Variants in COMMD1 observed in about 807,000 individuals in gnomAD.
The protein encoded by COMMD1 is COMM domain-containing protein 1.
In COMMD1, 10 loss-of-function variants were observed where a neutral mutation model predicts 17.2. The ratio of observed to expected loss-of-function variants is 0.58; its 90% CI spans 0.36 to 0.99. COMMD1 has a LOEUF of 0.99. Among genes scored for constraint, COMMD1 ranks in the 50% least tolerant of loss-of-function variants. The pLI, the probability that COMMD1 is intolerant of heterozygous loss-of-function variation, is 0.01. For missense variants in COMMD1, 270 were observed against 231.8 expected, an observed-to-expected ratio of 1.17 and a Z score of -1.07; for synonymous variants, 97 against 91.6, an observed-to-expected ratio of 1.06 and a Z score of -0.34.
rs566468741 is a variant in COMMD1, at chr2:61,981,744, T to C, written c.181-18957T>C. 6.6e-5 allele frequency among the ~76,000 whole-genome samples: 10 copies of C among 152,234 alleles called. No homozygotes were observed. In the South Asian group the frequency reaches 2.1e-3, roughly 32 times the overall value. ...TCCTTTATAAAACCATCAGATCTTA[T>C]GAGATGTATTCACTATTACGAGAAC... On this transcript the variant is annotated intron_variant, in intron 1 of 2. Coordinates refer to ENST00000311832, the MANE Select transcript of COMMD1 (RefSeq NM_152516.4).
rs140212237 is a variant in COMMD1, at chr2:61,890,324, A to G, written n.119+1482A>G. On this transcript the variant is annotated intron_variant and non_coding_transcript_variant, in intron 1 of 2. Coordinates refer to the COMMD1 transcript ENST00000472729. ...AACCTCCGCCTCCCGGGTTCAAGCG[A>G]TTCTCCTGCCTCAGCCTCCCCAGTA... Among the ~76,000 whole-genome samples, 642 of 152,216 alleles carry G rather than the reference A, an allele frequency of 4.2e-3. 3 individuals carry two copies. The highest frequency in any genetic ancestry group is 0.015 in the African/African-American group (623 of 41,556).
intron 1 of COMMD1, among the ~76,000 whole-genome samples, chr2:61,955,313 T>C (rs1389609006): frequency 1.3e-5 from 1 of 75,172 alleles, no homozygotes; most frequent in Admixed American, 1.1e-4. Context: ...TCTCTCTCTT[T>C]CTCTCTCTCT....
At position 62,091,122 on chromosome 2, in the gene COMMD1, C is replaced by T. The variant is rs113254653; in HGVS notation, c.463-44709C>T. On this transcript the variant is annotated intron_variant, in intron 2 of 2. Transcript: ENST00000311832. ...CATTTGTAGTACAATAGACATGAGCCCGTGTTGGGTAAGAGTACATGTTTG... is the reference window on the plus strand; with the variant it reads ...CATTTGTAGTACAATAGACATGAGCTCGTGTTGGGTAAGAGTACATGTTTG... Among the ~76,000 whole-genome samples the T allele has an allele frequency of 1.0e-3, 155 of 152,250 alleles. 1 individual carries two copies. In the South Asian group the frequency reaches 0.011, roughly 11 times the overall value.
chr2:61,892,851 C>T (rs1193983659), intron 1 of COMMD1, among the ~76,000 whole-genome samples: 2 of 151,724 alleles, frequency 1.3e-5, no homozygotes, highest in Non-Finnish European at 2.9e-5. Context: ...TTTCCTAAGC[C>T]TTACTGTTTG....
rs550623792 is a variant in COMMD1 at position 62,044,866 on chromosome 2, T to C, written c.462+43884T>C. Among the ~76,000 whole-genome samples, 14 of 152,210 alleles carry C rather than the reference T, an allele frequency of 9.2e-5. No homozygotes were observed. The East Asian group carries it at 2.5e-3, about 27-fold the overall frequency. On this transcript the variant is annotated intron_variant, in intron 2 of 2. Coordinates refer to ENST00000311832, the MANE Select transcript of COMMD1 (RefSeq NM_152516.4). ...AAAAAAAAAAAAAAAAGACCTGTTT[T>C]CTTCCTGAATAAACTATCAAAGAGC...
At chr2:61,925,223 G>C (rs1426623352) in intron 1 of COMMD1, among the ~76,000 whole-genome samples, 1 of 151,930 alleles carries the variant, frequency 6.6e-6, no homozygotes, top group South Asian at 2.1e-4. Context: ...GTGAGTCCCG[G>C]CCAGAGTCTG....
At chr2:62,088,472 C>T (rs750597304) in intron 2 of COMMD1, among the ~76,000 whole-genome samples, 13 of 152,162 alleles carry the variant, frequency 8.5e-5, no homozygotes, top group Admixed American at 2.0e-4. Context: ...AATGGCATTG[C>T]GATCAAACTT....
intron 2 of COMMD1, among the ~76,000 whole-genome samples, chr2:62,009,347 G>A (rs189289706): frequency 7.2e-5 from 11 of 152,134 alleles, no homozygotes; most frequent in African/African-American, 2.6e-4. Flanking sequence ...GCTCATGCCT[G>A]TAATCCCAGC....
intron 2 of COMMD1, among the ~76,000 whole-genome samples, chr2:62,081,425 A>AT (rs1158165905): frequency 6.2e-5 from 8 of 129,712 alleles, no homozygotes; most frequent in African/African-American, 2.5e-4. Context: ...CTAATTTTGT[A>AT]TTTTTAGTAG....
intron 1 of COMMD1, among the ~76,000 whole-genome samples, chr2:61,997,926 C>T (rs867561666): frequency 2.0e-5 from 3 of 152,182 alleles, no homozygotes; most frequent in African/African-American, 4.8e-5. Flanking sequence ...TATTGAAAAC[C>T]TTTTGTTTAG....
intron 1 of COMMD1, among the ~76,000 whole-genome samples, chr2:61,971,909 C>T (rs1671660969): frequency 6.6e-6 from 1 of 151,926 alleles, no homozygotes; most frequent in African/African-American, 2.4e-5. Flanking sequence ...TTGCTTGAGT[C>T]CAGGAGTTCG....
chr2:62,069,527 A>G (rs6706070), intron 2 of COMMD1: 150,538 of 152,272 alleles, frequency 0.99, 74,410 homozygotes, highest in East Asian at 1. Flanking sequence ...CAACTCAGGT[A>G]GGATATTAAT....
At chr2:62,098,505 C>T (rs995449101) in intron 2 of COMMD1, among the ~76,000 whole-genome samples, 2 of 152,116 alleles carry the variant, frequency 1.3e-5, no homozygotes, top group East Asian at 3.8e-4. Flanking sequence ...AAGCCCAAGC[C>T]ACATTATTCC....
intron 1 of COMMD1, among the ~76,000 whole-genome samples, chr2:61,967,484 A>G (rs1239468164): frequency 1.3e-5 from 2 of 152,220 alleles, no homozygotes; most frequent in Non-Finnish European, 2.9e-5. Flanking sequence ...CAAATCAGGA[A>G]AGCCAAGGAT....
At chr2:61,949,560 A>T (rs934295641) in intron 1 of COMMD1, among the ~76,000 whole-genome samples, 1 of 152,114 alleles carries the variant, frequency 6.6e-6, no homozygotes, top group Non-Finnish European at 1.5e-5. Flanking sequence ...TTCCAAAGTC[A>T]CTCCCAAAGA....
chr2:61,888,481 G>A (rs544614460), upstream of COMMD1: 10 of 1,611,778 alleles, frequency 6.2e-6, no homozygotes, highest in Middle Eastern at 1.7e-4. Context: ...CAGTCGCCCC[G>A]CTCCGGGGTG....
chr2:61,903,124 A>G (rs1669695027), upstream of COMMD1, among the ~76,000 whole-genome samples: 1 of 152,170 alleles, frequency 6.6e-6, no homozygotes, highest in Non-Finnish European at 1.5e-5. Context: ...TTATTTTAGG[A>G]AAAGAAATAT....
At chr2:62,128,713 G>A (rs1162738660) in intron 2 of COMMD1, among the ~76,000 whole-genome samples, 4 of 152,130 alleles carry the variant, frequency 2.6e-5, no homozygotes, top group African/African-American at 9.7e-5. Flanking sequence ...AGCACTTTGG[G>A]AGGCCGAGGC....
intron 1 of COMMD1, among the ~76,000 whole-genome samples, chr2:61,900,568 A>C (rs1049114122): frequency 2.0e-5 from 3 of 152,200 alleles, no homozygotes; most frequent in African/African-American, 7.2e-5. Context: ...CATTAATGCC[A>C]GTCAGTTGTG....
Sources: allele counts gnomAD v4.1 joint callset (sites outside exome capture counted in the v4.1 genomes callset), GRCh38; gene constraint gnomAD v4.1.1; transcripts MANE v1.5; gene names NCBI Gene and HGNC (gene_info 2026-07-23, HGNC 2026-07-21).